The following SLC36A3 variants were observed in gnomAD, a reference collection of about 807,000 sequenced individuals.
The protein encoded by SLC36A3 is solute carrier family 36 member 3.
Under a neutral mutation model 44.3 loss-of-function variants are expected in SLC36A3, and 35 were observed. The ratio of observed to expected loss-of-function variants is 0.79; its 90% CI spans 0.60 to 1.05. The LOEUF is 1.05. SLC36A3 is among the 50% of genes least tolerant of loss of function. SLC36A3 has a pLI of 0.00. For synonymous variants in SLC36A3, 211 were observed against 227.6 expected (o/e 0.93, Z 0.66); for missense variants, 540 against 578.7 (o/e 0.93, Z 0.69).
intron 6 of SLC36A3, among the ~76,000 whole-genome samples, chr5:151,284,973 A>G (rs1376316321): frequency 6.6e-6 from 1 of 152,186 alleles, no homozygotes; most frequent in Non-Finnish European, 1.5e-5. Flanking sequence ...TTGTGTATCC[A>G]TCACCCCTAT....
chr5:151,282,487 A>G (rs1291481470), intron 8 of SLC36A3, among the ~76,000 whole-genome samples: 1 of 152,118 alleles, frequency 6.6e-6, no homozygotes, highest in Non-Finnish European at 1.5e-5. Context: ...AGTATGTCTT[A>G]AAGATTGTTC....
chr5:151,298,420 G>T (rs553461290), intron 2 of SLC36A3, among the ~76,000 whole-genome samples, 173 bp downstream of exon 2: 1 of 152,272 alleles, frequency 6.6e-6, no homozygotes, highest in South Asian at 2.1e-4. Context: ...CCCCTTCAGG[G>T]ATGCTCAGGT....
intron 3 of SLC36A3, 147 bp from the exon 4 acceptor site, chr5:151,293,606 CA>C: frequency 1.5e-6 from 1 of 647,966 alleles, no homozygotes; most frequent in Non-Finnish European, 2.6e-6. Flanking sequence ...TATACTTTAA[CA>C]ACTTTCAGGA....
At chr5:151,303,013 C>G (rs1010292783) in intron 1 of SLC36A3, among the ~76,000 whole-genome samples, 3 of 152,148 alleles carry the variant, frequency 2.0e-5, no homozygotes, top group Admixed American at 6.5e-5. Context: ...GGTGGCTGCT[C>G]TAGCTGGGTT....
chr5:151,290,278 G>A (rs1754707823), intron 4 of SLC36A3, among the ~76,000 whole-genome samples: 1 of 152,064 alleles, frequency 6.6e-6, no homozygotes, highest in Admixed American at 6.6e-5. Flanking sequence ...TGTTGGTTGA[G>A]GCCTATGTTA....
rs1754434180 is a variant in SLC36A3 at position 151,284,062 on chromosome 5, A to G, written c.956T>C (p.Leu319Pro). ...GACATACCAGCAATTGGGCAAGTTG[A>G]GGGTGATGCTGGCCTGGGTGTCTGA... ...FGSDTQASIT[L>P]NLPNCWLYQS... is the part of the protein sequence containing the mutation. The change falls in exon 8 of 10, where the codon CTC (leucine) becomes CCC (proline). Residue 319 changes from leucine to proline, a missense_variant. Coordinates refer to ENST00000335230, the MANE Select transcript of SLC36A3 (RefSeq NM_181774.4). 3 of 1,612,228 alleles carry G rather than the reference A, an allele frequency of 1.9e-6. No homozygotes were observed. In the Admixed American group the frequency reaches 5.0e-5, roughly 27 times the overall value.
At position 151,293,355 on chromosome 5, in the gene SLC36A3, G is replaced by A. The variant is rs1561636691; in HGVS notation, c.404+9C>T. ...TTGTTGTTACTACTACAACATCTGT[G>A]ACTACTACCTTCCCCACACTGCATG... On this transcript the variant is annotated intron_variant, in intron 4 of 9. Transcript: ENST00000335230. 10 of 1,607,626 alleles carry A rather than the reference G, an allele frequency of 6.2e-6. No individual in the cohort carries two copies. The highest frequency in any genetic ancestry group is 8.5e-6 in the Non-Finnish European group (10 of 1,176,096).
intron 6 of SLC36A3, among the ~76,000 whole-genome samples, chr5:151,286,613 T>A (rs1036072376): frequency 1.3e-5 from 2 of 152,196 alleles, no homozygotes; most frequent in Non-Finnish European, 2.9e-5. Flanking sequence ...GACCTAGTTG[T>A]TTCTTAACTT....
intron 6 of SLC36A3, among the ~76,000 whole-genome samples, chr5:151,285,049 C>A (rs935083746): frequency 6.6e-6 from 1 of 152,218 alleles, no homozygotes; most frequent in South Asian, 2.1e-4. Context: ...TAACGCCCCA[C>A]TACCCAGCCT....
intron 9 of SLC36A3, among the ~76,000 whole-genome samples, chr5:151,279,594 G>C (rs914865196): frequency 6.6e-6 from 1 of 152,178 alleles, no homozygotes; most frequent in Non-Finnish European, 1.5e-5. Context: ...ATACTCAGAG[G>C]CTCCTCAGTC....
At chr5:151,278,285 A>T (rs983953286) in intron 9 of SLC36A3, among the ~76,000 whole-genome samples, 3 of 150,622 alleles carry the variant, frequency 2.0e-5, no homozygotes, top group African/African-American at 7.2e-5. Context: ...CAAAGACAGC[A>T]TTAAGCTATC....
intron 1 of SLC36A3, among the ~76,000 whole-genome samples, chr5:151,302,467 A>C (rs546989245): frequency 6.6e-6 from 1 of 151,878 alleles, no homozygotes; most frequent in Admixed American, 6.6e-5. Flanking sequence ...AAACTAACAA[A>C]GGAACAGAAA....
chr5:151,288,258 G>A (rs1754619364), intron 5 of SLC36A3, 128 bp downstream of exon 5: 2 of 521,328 alleles, frequency 3.8e-6, no homozygotes, highest in Non-Finnish European at 6.3e-6. Flanking sequence ...GCTCCCAAGC[G>A]TGGTCTGATC....
At chr5:151,296,344 T>C in intron 2 of SLC36A3, 76 bp from the exon 3 acceptor site, 1 of 1,251,954 alleles carries the variant, frequency 8.0e-7, no homozygotes, top group Non-Finnish European at 1.2e-6. Flanking sequence ...ACAGTCTGCG[T>C]GCTGGGGCCT....
At chr5:151,296,435 C>T (rs575791403) in intron 2 of SLC36A3, 167 bp from the exon 3 acceptor site, 1 of 650,522 alleles carries the variant, frequency 1.5e-6, no homozygotes, top group East Asian at 2.7e-5. Context: ...TTTGAATGCT[C>T]TTCTTAGCAT....
chr5:151,299,466 A>G (rs1755100274), intron 1 of SLC36A3, among the ~76,000 whole-genome samples: 1 of 151,290 alleles, frequency 6.6e-6, no homozygotes, highest in African/African-American at 2.4e-5. Flanking sequence ...AGCAATTGTT[A>G]CTGTGCATAT....
chr5:151,277,698 G>T (rs1470830813), intron 9 of SLC36A3, 37 bp from the exon 10 acceptor site: 3 of 1,597,058 alleles, frequency 1.9e-6, no homozygotes, highest in Middle Eastern at 1.7e-4. Context: ...CACTGAATGT[G>T]CTCAGAAACA....
chr5:151,289,345 T>A (rs1754672077), intron 4 of SLC36A3, among the ~76,000 whole-genome samples: 1 of 152,062 alleles, frequency 6.6e-6, no homozygotes, highest in Non-Finnish European at 1.5e-5. Context: ...TTTTATTTTT[T>A]AATTCAGGAT....
At chr5:151,293,295 G>T in intron 4 of SLC36A3, 69 bp downstream of exon 4, 1 of 1,333,214 alleles carries the variant, frequency 7.5e-7, no homozygotes, top group Non-Finnish European at 1.0e-6. Flanking sequence ...TAAAACCTGT[G>T]TAAGTAGAAA....
Sources: allele counts gnomAD v4.1 joint callset (sites outside exome capture counted in the v4.1 genomes callset), GRCh38; gene constraint gnomAD v4.1.1; transcripts MANE v1.5; gene names NCBI Gene and HGNC (gene_info 2026-07-23, HGNC 2026-07-21).